The following REDIC1 variants were observed in gnomAD, a reference collection of about 807,000 sequenced individuals.
REDIC1 encodes the protein HEI10 Interacting Protein 1.
the REDIC1 span, among the ~76,000 whole-genome samples, chr12:39,812,384 TTCTTTCTC>T: frequency 6.3e-3 from 789 of 124,372 alleles, 1 homozygote; most frequent in Middle Eastern, 0.022. Context: ...TTTCTTTTCT[TTCTTTCTC>T]TCTCTCTTTC....
chr12:39,636,202 T>C, the REDIC1 span, among the ~76,000 whole-genome samples: 10 of 152,154 alleles, frequency 6.6e-5, no homozygotes, highest in African/African-American at 1.2e-4. Context: ...GGAACAGTGT[T>C]TTCTGTGTGA....
At chr12:39,678,016 G>A in the REDIC1 span, among the ~76,000 whole-genome samples, 1 of 151,876 alleles carries the variant, frequency 6.6e-6, no homozygotes, top group African/African-American at 2.4e-5. Flanking sequence ...GACAATCTAA[G>A]GTCACACCTC....
the REDIC1 span, among the ~76,000 whole-genome samples, chr12:39,874,076 G>A: frequency 6.6e-6 from 1 of 152,094 alleles, no homozygotes; most frequent in Admixed American, 6.6e-5. Context: ...TTAATATCAC[G>A]ACACATAAAA....
chr12:39,825,042 C>T, the REDIC1 span, among the ~76,000 whole-genome samples: 1 of 152,118 alleles, frequency 6.6e-6, no homozygotes, highest in Non-Finnish European at 1.5e-5. Flanking sequence ...CAGAGTGCAG[C>T]TTTGAGAAAA....
the REDIC1 span, chr12:39,721,763 T>G: frequency 6.6e-6 from 1 of 152,244 alleles, no homozygotes; most frequent in Admixed American, 6.6e-5. Context: ...ATTCTAGCAT[T>G]AATTTGTAGA....
the REDIC1 span, among the ~76,000 whole-genome samples, chr12:39,637,527 C>T: frequency 6.6e-6 from 1 of 151,972 alleles, no homozygotes; most frequent in Non-Finnish European, 1.5e-5. Flanking sequence ...TGTAAAACAA[C>T]GTTGAAAGCT....
the REDIC1 span, among the ~76,000 whole-genome samples, chr12:39,835,399 A>C: frequency 6.6e-6 from 1 of 152,122 alleles, no homozygotes; most frequent in Non-Finnish European, 1.5e-5. Flanking sequence ...TTACATACTA[A>C]TTTCAAGGGC....
chr12:39,703,696 T>A, the REDIC1 span, among the ~76,000 whole-genome samples: 1 of 152,130 alleles, frequency 6.6e-6, no homozygotes, highest in Non-Finnish European at 1.5e-5. Context: ...AAGGCTACAG[T>A]CACCAAGACA....
the REDIC1 span, among the ~76,000 whole-genome samples, chr12:39,655,910 T>C: frequency 6.6e-6 from 1 of 152,230 alleles, no homozygotes; most frequent in Non-Finnish European, 1.5e-5. Flanking sequence ...GTTTTAACAT[T>C]GCATTTTGGG....
the REDIC1 span, among the ~76,000 whole-genome samples, chr12:39,782,485 A>T: frequency 5.3e-4 from 80 of 152,268 alleles, no homozygotes; most frequent in Admixed American, 1.3e-3. Flanking sequence ...GCCTCTCACC[A>T]TGATTCTGAG....
chr12:39,650,799 C>A, the REDIC1 span, among the ~76,000 whole-genome samples: 1 of 152,162 alleles, frequency 6.6e-6, no homozygotes, highest in African/African-American at 2.4e-5. The surrounding 1 kb of genome is among the most constrained non-coding windows in gnomAD (Gnocchi z 4.3). Context: ...TGGTCTCAAT[C>A]TTCTGGCCTC....
At chr12:39,829,419 T>TTTTTTTTTTTG in the REDIC1 span, 1 of 125,716 alleles carries the variant, frequency 8.0e-6, no homozygotes, top group Non-Finnish European at 1.7e-5. Context: ...TTTTTTTCTT[T>TTTTTTTTTTTG]TTTTTGAGGC....
the REDIC1 span, among the ~76,000 whole-genome samples, chr12:39,831,526 A>C: frequency 6.6e-6 from 1 of 152,176 alleles, no homozygotes; most frequent in Admixed American, 6.5e-5. Context: ...CAAAATCAAA[A>C]CACTTTTTTG....
chr12:39,716,735 G>A, the REDIC1 span: 2 of 1,540,402 alleles, frequency 1.3e-6, no homozygotes, highest in African/African-American at 1.4e-5. Context: ...CATTATTCAT[G>A]TATTAAACCT....
the REDIC1 span, among the ~76,000 whole-genome samples, chr12:39,707,947 C>A: frequency 6.6e-6 from 1 of 151,556 alleles, no homozygotes; most frequent in East Asian, 1.9e-4. Flanking sequence ...TTTATGGAAT[C>A]TAAAATCAAA....
At chr12:39,829,399 T>C in the REDIC1 span, 1 of 99,842 alleles carries the variant, frequency 1.0e-5, no homozygotes, top group Admixed American at 1.0e-4. Flanking sequence ...ATTCTTTTTT[T>C]TTTTTTTTTT....
chr12:39,681,700 A>C, the REDIC1 span, among the ~76,000 whole-genome samples: 2 of 152,192 alleles, frequency 1.3e-5, no homozygotes, highest in Non-Finnish European at 2.9e-5. Flanking sequence ...TTCATGGGTA[A>C]AACATTAATC....
At chr12:39,628,071 A>G in the REDIC1 span, among the ~76,000 whole-genome samples, 1 of 151,974 alleles carries the variant, frequency 6.6e-6, no homozygotes, top group Non-Finnish European at 1.5e-5. Context: ...ATGTTTTTGG[A>G]GCAATGCTAT....
the REDIC1 span, chr12:39,835,779 G>A: frequency 6.6e-6 from 1 of 152,062 alleles, no homozygotes; most frequent in Admixed American, 6.6e-5. Context: ...TAGAAATCAA[G>A]GCATTCTTGT....
Sources: gnomAD v4.1 joint callset for allele counts (sites outside exome capture counted in the v4.1 genomes callset) on GRCh38, gnomAD v4.1.1 for gene constraint, Gnocchi (gnomAD v3.1) non-coding constraint, MANE v1.5 for transcripts, NCBI Gene and HGNC (gene_info 2026-07-23, HGNC 2026-07-21) for gene names.